SOX6: variants seen among roughly 807,000 people sequenced by gnomAD.
SOX6 encodes the protein SRY-box transcription factor 6.
Under a neutral mutation model 97.8 loss-of-function variants are expected in SOX6, and 11 were observed. The observed-to-expected ratio is 0.11, with a 90% CI of 0.07 to 0.19. The LOEUF (loss-of-function observed/expected upper bound fraction) is 0.19. Among genes scored for constraint, SOX6 ranks in the 10% least tolerant of loss-of-function variants. SOX6 has a pLI of 1.00. For missense variants in SOX6, 810 were observed against 1,039.5 expected (o/e 0.78, Z 3.04); for synonymous variants, 360 against 371.4 (o/e 0.97, Z 0.35).
intron 6 of SOX6, among the ~76,000 whole-genome samples, chr11:16,137,892 T>C (rs932159348): frequency 1.3e-5 from 2 of 152,180 alleles, no homozygotes; most frequent in Admixed American, 1.3e-4. Flanking sequence ...TTCTCTCTCC[T>C]GCCACCCTGT....
intron 4 of SOX6, among the ~76,000 whole-genome samples, chr11:16,537,972 A>C (rs1220841752): frequency 1.3e-5 from 2 of 152,184 alleles, no homozygotes; most frequent in African/African-American, 4.8e-5. Flanking sequence ...GGAAATACAG[A>C]GAACACCACA....
At chr11:16,281,393 C>T (rs4757391) in intron 3 of SOX6, among the ~76,000 whole-genome samples, 118,617 of 151,952 alleles carry the variant, frequency 0.78, 46,437 homozygotes, top group Non-Finnish European at 0.8. Context: ...CATGAATTAC[C>T]ATTGAAGATA....
intron 4 of SOX6, among the ~76,000 whole-genome samples, chr11:16,221,208 A>C (rs1419021475): frequency 6.6e-6 from 1 of 152,130 alleles, no homozygotes; most frequent in African/African-American, 2.4e-5. Flanking sequence ...GATTATGCAA[A>C]TAAAATAGTG....
At chr11:16,136,058 C>T (rs1418297190) in intron 6 of SOX6, among the ~76,000 whole-genome samples, 4 of 152,022 alleles carry the variant, frequency 2.6e-5, no homozygotes, top group East Asian at 1.9e-4. Context: ...CTTGCTGTGT[C>T]GCAAGGCTGC....
intron 1 of SOX6, among the ~76,000 whole-genome samples, chr11:16,364,341 C>T (rs1857291451): frequency 6.6e-6 from 1 of 152,052 alleles, no homozygotes; most frequent in Admixed American, 6.6e-5. Flanking sequence ...AACTTAGTAG[C>T]CCAAAGACTT....
At position 16,246,077 on chromosome 11, in the gene SOX6, A is replaced by G. The variant is rs115946406; in HGVS notation, c.446-11406T>C. On this transcript the variant is annotated intron_variant, in intron 3 of 15. Transcript: ENST00000683767. ...TTTATTAACTATACCTCTTTATTTCATTATTTAAATGATTGATCCAGGGTT... is the reference window on the plus strand; with the variant it reads ...TTTATTAACTATACCTCTTTATTTCGTTATTTAAATGATTGATCCAGGGTT... Among the ~76,000 whole-genome samples, 812 of 150,920 alleles carry G rather than the reference A, an allele frequency of 5.4e-3. 7 individuals carry two copies. The highest frequency in any genetic ancestry group is 0.019 in the African/African-American group (774 of 41,378).
At chr11:16,021,574 T>G (rs1161267250) in intron 12 of SOX6, among the ~76,000 whole-genome samples, 1 of 152,154 alleles carries the variant, frequency 6.6e-6, no homozygotes, top group Non-Finnish European at 1.5e-5. Context: ...ACTTTCCTAG[T>G]GACATTGTGA....
chr11:16,571,602 T>A (rs561473372), intron 4 of SOX6, among the ~76,000 whole-genome samples: 1 of 151,348 alleles, frequency 6.6e-6, no homozygotes, highest in African/African-American at 2.5e-5. Flanking sequence ...AGCCTCTACA[T>A]TCAGTTTTTG....
rs1590196544 is a variant in SOX6 at position 16,420,887 on chromosome 11, T to C, written c.-5+55428A>G. On this transcript the variant is annotated intron_variant, in intron 1 of 15. Transcript: ENST00000396356. ...GAGACAAAACAGACCAAGGACATTA[T>C]GTCTTTCAAGCTCAGCAGCATTTAG... 2.0e-5 allele frequency among the ~76,000 whole-genome samples: 3 copies of C among 152,298 alleles called. No individual in the cohort carries two copies. In the South Asian group the frequency reaches 6.2e-4, roughly 32 times the overall value.
intron 1 of SOX6, among the ~76,000 whole-genome samples, chr11:16,397,892 A>G (rs1169902470): frequency 6.6e-6 from 1 of 151,608 alleles, no homozygotes; most frequent in African/African-American, 2.4e-5. Flanking sequence ...TTGCTTTCTT[A>G]TATGCAGATA....
At chr11:16,100,487 G>A (rs1455259911) in intron 7 of SOX6, among the ~76,000 whole-genome samples, 1 of 151,660 alleles carries the variant, frequency 6.6e-6, no homozygotes, top group Non-Finnish European at 1.5e-5. Flanking sequence ...GACAAAGTAG[G>A]ATTTAAAACT....
At chr11:16,574,041 T>C (rs1264182699) in intron 4 of SOX6, among the ~76,000 whole-genome samples, 1 of 152,184 alleles carries the variant, frequency 6.6e-6, no homozygotes, top group Non-Finnish European at 1.5e-5. Flanking sequence ...TTCTATGTTA[T>C]CAAAGTATCA....
At chr11:16,548,035 T>A (rs1847641059) in intron 4 of SOX6, among the ~76,000 whole-genome samples, 2 of 151,626 alleles carry the variant, frequency 1.3e-5, no homozygotes, top group Non-Finnish European at 2.9e-5. Flanking sequence ...TGGGGAAAAA[T>A]TAAACAATAC....
At chr11:16,100,057 A>C (rs1340009952) in intron 7 of SOX6, among the ~76,000 whole-genome samples, 1 of 151,704 alleles carries the variant, frequency 6.6e-6, no homozygotes, top group African/African-American at 2.4e-5. Flanking sequence ...TTACAAGTAG[A>C]AAAGAAAAAT....
intron 4 of SOX6, among the ~76,000 whole-genome samples, chr11:16,223,628 C>T (rs1323250118): frequency 6.6e-6 from 1 of 152,028 alleles, no homozygotes; most frequent in Admixed American, 6.6e-5. Flanking sequence ...TCAAAGAATA[C>T]TAGCTACTTT....
intron 3 of SOX6, among the ~76,000 whole-genome samples, chr11:16,624,648 A>T (rs1266001256): frequency 6.6e-6 from 1 of 152,204 alleles, no homozygotes; most frequent in Non-Finnish European, 1.5e-5. Flanking sequence ...AAAATCTTAG[A>T]GTGGAATTTC....
chr11:15,983,635 A>G (rs1426580106), intron 15 of SOX6, among the ~76,000 whole-genome samples: 2 of 152,110 alleles, frequency 1.3e-5, no homozygotes, highest in Non-Finnish European at 2.9e-5. Context: ...AACTACAACT[A>G]CTTAAAAGAG....
At position 16,607,299 on chromosome 11, in the gene SOX6, G is replaced by C. The variant is rs1268212844; in HGVS notation, n.609+4782C>G. 1 of 152,918 alleles carries C rather than the reference G, an allele frequency of 6.5e-6. No individual in the cohort carries two copies. Among genetic ancestry groups the C allele is most frequent in the Non-Finnish European group, 1.5e-5 (1 of 68,638 alleles). The allele number at this position is 152,918 out of a possible 1,614,324, so 9.5% of individuals were successfully genotyped here. ...AGCTCACAGCGGGCCGCGCGCCCTG[G>C]CTCTGCCTCCCTCGCTCTCGAGATC... On this transcript the variant is annotated intron_variant and non_coding_transcript_variant, in intron 4 of 5. Transcript: ENST00000524520. The surrounding 1 kb of genome is among the most constrained non-coding windows in gnomAD (Gnocchi z 6.5).
rs542144722 is a variant in SOX6, at chr11:16,060,632, C to A, written c.1102-4731G>T. Among the ~76,000 whole-genome samples the A allele has an allele frequency of 1.3e-4, 19 of 151,980 alleles. No homozygotes were observed. The East Asian group carries it at 2.9e-3, about 23-fold the overall frequency. ...AGTTTGTCTTGGATAATATGAATGTCATTAAATGAATAGGTATAAGCTTAC... is the reference window on the plus strand; with the variant it reads ...AGTTTGTCTTGGATAATATGAATGTAATTAAATGAATAGGTATAAGCTTAC... On this transcript the variant is annotated intron_variant, in intron 9 of 15. Coordinates refer to ENST00000683767, the MANE Select transcript of SOX6 (RefSeq NM_001367873.1).
Sources: gnomAD v4.1 joint callset for allele counts (sites outside exome capture counted in the v4.1 genomes callset) on GRCh38, gnomAD v4.1.1 for gene constraint, Gnocchi (gnomAD v3.1) non-coding constraint, MANE v1.5 for transcripts, NCBI Gene and HGNC (gene_info 2026-07-23, HGNC 2026-07-21) for gene names.